The following SIK3 variants were observed in gnomAD, a reference collection of about 807,000 sequenced individuals.
The protein encoded by SIK3 is serine/threonine-protein kinase SIK3.
SIK3 carries 28 observed loss-of-function variants against 144.2 expected under a neutral mutation model. The observed-to-expected ratio is 0.19, with a 90% CI of 0.14 to 0.27. The LOEUF (loss-of-function observed/expected upper bound fraction) is 0.27, where lower values mean the gene tolerates loss of function less well. SIK3 is among the 10% of genes least tolerant of loss of function. The probability of loss-of-function intolerance (pLI) is 1.00; values close to 1 mark genes in which losing one functional copy is unlikely to be tolerated. For missense variants in SIK3, 1,319 were observed against 1,776.0 expected (o/e 0.74, Z 4.62); for synonymous variants, 686 against 676.3 (o/e 1.01, Z -0.22).
At chr11:117,013,967 C>CTTTTTTTTTT (rs1951406146) in intron 1 of SIK3, among the ~76,000 whole-genome samples, 3 of 7,368 alleles carry the variant, frequency 4.1e-4, no homozygotes, top group Non-Finnish European at 6.6e-4. Flanking sequence ...TTCTTTTTTT[C>CTTTTTTTTTT]TTTTCTTTTT....
At chr11:117,024,606 T>C (rs1412463919) in intron 1 of SIK3, among the ~76,000 whole-genome samples, 1 of 151,982 alleles carries the variant, frequency 6.6e-6, no homozygotes, top group Non-Finnish European at 1.5e-5. Flanking sequence ...AAAAATTCCT[T>C]AAAAACCATC....
intron 1 of SIK3, among the ~76,000 whole-genome samples, chr11:116,995,266 C>CA (rs1215261265): frequency 0.014 from 1,307 of 96,588 alleles, 27 homozygotes; most frequent in African/African-American, 0.035. Context: ...GACTCCGTCT[C>CA]AAAAAAAAAA....
intron 15 of SIK3, among the ~76,000 whole-genome samples, chr11:116,865,446 A>AT (rs1565380931): frequency 1.3e-5 from 2 of 152,270 alleles, no homozygotes; most frequent in East Asian, 3.9e-4. Flanking sequence ...AGAAGCACTG[A>AT]TAAGTATCAA....
At chr11:117,018,227 C>T (rs1951618718) in intron 1 of SIK3, among the ~76,000 whole-genome samples, 2 of 152,062 alleles carry the variant, frequency 1.3e-5, no homozygotes, top group African/African-American at 2.4e-5. Context: ...TGCAGTCCCC[C>T]GAGGAACCTG....
intron 1 of SIK3, among the ~76,000 whole-genome samples, chr11:116,996,899 A>T (rs1950688978): frequency 6.6e-6 from 1 of 151,230 alleles, no homozygotes; most frequent in Admixed American, 6.6e-5. Flanking sequence ...AATAGATGCT[A>T]TCTAGCTATT....
At chr11:117,097,070 C>G (rs1955507331) in intron 1 of SIK3, among the ~76,000 whole-genome samples, 1 of 152,292 alleles carries the variant, frequency 6.6e-6, no homozygotes, top group Non-Finnish European at 1.5e-5. Flanking sequence ...CGGGTTCCAC[C>G]AAAACCAAAA....
intron 1 of SIK3, among the ~76,000 whole-genome samples, chr11:116,968,558 G>A (rs931332693): frequency 2.2e-4 from 33 of 152,170 alleles, no homozygotes; most frequent in African/African-American, 7.0e-4. Flanking sequence ...GTTAAACATA[G>A]CCACAACAGA....
chr11:116,920,480 T>C (rs1356075959), intron 4 of SIK3, among the ~76,000 whole-genome samples: 1 of 152,056 alleles, frequency 6.6e-6, no homozygotes, highest in East Asian at 1.9e-4. Context: ...GTTACTCGAG[T>C]TTATCTTTGT....
intron 4 of SIK3, among the ~76,000 whole-genome samples, chr11:116,900,525 C>T (rs753102126): frequency 6.6e-5 from 10 of 152,206 alleles, no homozygotes; most frequent in Non-Finnish European, 1.3e-4. Flanking sequence ...GAGTCTTCAT[C>T]TCAGCATTGT....
At chr11:117,026,962 C>G (rs543664646) in intron 1 of SIK3, among the ~76,000 whole-genome samples, 1 of 152,304 alleles carries the variant, frequency 6.6e-6, no homozygotes, top group Non-Finnish European at 1.5e-5. Context: ...ACATATTATT[C>G]AAGGAATTTC....
At chr11:116,986,302 A>G (rs1031737573) in intron 1 of SIK3, among the ~76,000 whole-genome samples, 1 of 152,198 alleles carries the variant, frequency 6.6e-6, no homozygotes, top group Non-Finnish European at 1.5e-5. Context: ...AATAACAACT[A>G]CTTTAATAAG....
At position 117,095,743 on chromosome 11, in the gene SIK3, T is replaced by G. The variant is rs141120123; in HGVS notation, c.273+2400A>C. ...CGTGACAACTCCTTGTGAATTAAGC[T>G]TCACTCATGTAGTCAGAGTAATTTA... is the stretch of plus-strand genomic sequence containing the variant. On this transcript the variant is annotated intron_variant, in intron 1 of 24. Transcript: ENST00000445177. Among the ~76,000 whole-genome samples the G allele has an allele frequency of 1.9e-3, 286 of 152,322 alleles. 1 individual carries two copies. Among genetic ancestry groups the G allele is most frequent in the African/African-American group, 6.5e-3 (272 of 41,564 alleles).
At chr11:116,946,687 T>C (rs1195864134) in intron 3 of SIK3, among the ~76,000 whole-genome samples, 1 of 152,214 alleles carries the variant, frequency 6.6e-6, no homozygotes, top group Non-Finnish European at 1.5e-5. Context: ...CGTGGAGAAC[T>C]CTCTCCCAAC....
intron 1 of SIK3, 120 bp from the exon 2 acceptor site, chr11:116,957,184 C>T (rs1949169800): frequency 1.3e-5 from 7 of 534,110 alleles, no homozygotes; most frequent in Non-Finnish European, 2.3e-5. Context: ...ATTCTGTTTA[C>T]AGAATGTCAA....
In SIK3 at chr11:116,942,492, C is replaced by T. The variant is rs527689928; in HGVS notation, c.454+11552G>A. Among the ~76,000 whole-genome samples the T allele has an allele frequency of 6.6e-5, 10 of 152,142 alleles. No individual in the cohort carries two copies. In the South Asian group the frequency reaches 8.3e-4, roughly 13 times the overall value. ...AGTAAAAAAACAAATAAATATATGTCAGTTCATGATAAAAACCAAAAAGAA... is the reference window on the plus strand; with the variant it reads ...AGTAAAAAAACAAATAAATATATGTTAGTTCATGATAAAAACCAAAAAGAA... On this transcript the variant is annotated intron_variant, in intron 3 of 24. Coordinates refer to ENST00000445177, the MANE Select transcript of SIK3 (RefSeq NM_001366686.3).
chr11:116,866,008 A>C (rs1186146877), intron 15 of SIK3, among the ~76,000 whole-genome samples: 2 of 152,222 alleles, frequency 1.3e-5, no homozygotes. Context: ...AAAAAGGTTC[A>C]CATGAAAACA....
chr11:116,982,568 G>T (rs564409468), intron 1 of SIK3, among the ~76,000 whole-genome samples: 1 of 152,020 alleles, frequency 6.6e-6, no homozygotes, highest in South Asian at 2.1e-4. Flanking sequence ...GATTACAGGC[G>T]TGCGCCACTA....
At chr11:117,061,184 C>A (rs1953775145) in intron 1 of SIK3, among the ~76,000 whole-genome samples, 1 of 152,080 alleles carries the variant, frequency 6.6e-6, no homozygotes, top group Admixed American at 6.6e-5. Flanking sequence ...AAGTTCAGGG[C>A]TGTGGTAAGC....
chr11:117,058,463 T>C (rs919238889), intron 1 of SIK3, among the ~76,000 whole-genome samples: 2 of 144,446 alleles, frequency 1.4e-5, no homozygotes, highest in East Asian at 2.0e-4. Context: ...GAAGCTGCAG[T>C]GAGCCGAGAT....
Sources: gnomAD v4.1 joint callset for allele counts (sites outside exome capture counted in the v4.1 genomes callset) on GRCh38, gnomAD v4.1.1 for gene constraint, MANE v1.5 for transcripts, NCBI Gene and HGNC (gene_info 2026-07-23, HGNC 2026-07-21) for gene names.